Variants in KIAA2012 observed in about 807,000 individuals in gnomAD.
The protein encoded by KIAA2012 is uncharacterized protein KIAA2012.
Under a neutral mutation model 150.6 loss-of-function variants are expected in KIAA2012, and 125 were observed. The ratio of observed to expected loss-of-function variants is 0.83; its 90% CI spans 0.72 to 0.96. The LOEUF is 0.96. KIAA2012 is among the 40% of genes least tolerant of loss of function. The pLI is 0.00. For synonymous variants in KIAA2012, 462 were observed against 504.7 expected (o/e 0.92, Z 1.13); for missense variants, 1,219 against 1,354.9 (o/e 0.90, Z 1.57).
intron 15 of KIAA2012, among the ~76,000 whole-genome samples, chr2:202,167,455 C>T (rs1224282594): frequency 2.6e-5 from 4 of 152,298 alleles, no homozygotes; most frequent in South Asian, 2.1e-4. Flanking sequence ...AGTTTTGAAT[C>T]GCTGCCCTGG....
intron 14 of KIAA2012, 60 bp from the exon 15 acceptor site, chr2:202,165,224 G>C: frequency 6.8e-7 from 1 of 1,466,846 alleles, no homozygotes; most frequent in South Asian, 1.2e-5. Context: ...TCACAGAAGT[G>C]TTTTAAGTGT....
Position 202,161,692 on chromosome 2 carries a change from T to G in KIAA2012, c.2047-3592T>G, listed in dbSNP as rs183386255. Among the ~76,000 whole-genome samples the G allele has an allele frequency of 7.2e-5, 11 of 152,198 alleles. No homozygotes were observed. The East Asian group carries it at 1.5e-3, about 21-fold the overall frequency. ...GAGGCCCTGCAGAAACCTGTCATAA[T>G]CTGCCACAACATTTATCACGCTGCA... On this transcript the variant is annotated intron_variant, in intron 14 of 23. Coordinates refer to ENST00000498697, the MANE Select transcript of KIAA2012 (RefSeq NM_001277372.4).
intron 2 of KIAA2012, among the ~76,000 whole-genome samples, chr2:202,081,386 T>G (rs1426641113): frequency 6.6e-6 from 1 of 152,188 alleles, no homozygotes; most frequent in Non-Finnish European, 1.5e-5. Context: ...TTGTTTGGAT[T>G]ATATAGTAAT....
Position 202,163,495 on chromosome 2 carries a change from T to C in KIAA2012, c.2047-1789T>C, listed in dbSNP as rs1214525201. On this transcript the variant is annotated intron_variant, in intron 14 of 23. Coordinates refer to ENST00000498697, the MANE Select transcript of KIAA2012 (RefSeq NM_001277372.4). ...TTGACAGAGTTTCAAATTAAGACTA[T>C]TTCTTTTTCTAACAAAGATTCACCT... is the stretch of plus-strand genomic sequence containing the variant. Among the ~76,000 whole-genome samples the C allele has an allele frequency of 2.6e-5, 4 of 152,248 alleles. No individual in the cohort carries two copies. The East Asian group carries it at 7.7e-4, about 29-fold the overall frequency.
intron 15 of KIAA2012, chr2:202,179,650 G>A (rs1051616691): frequency 7.6e-6 from 5 of 658,656 alleles, no homozygotes; most frequent in Admixed American, 1.8e-5. Context: ...TGTAATGCAA[G>A]AATATACTCA....
At chr2:202,109,894 T>A in intron 10 of KIAA2012, 105 bp downstream of exon 10, 2 of 995,154 alleles carry the variant, frequency 2.0e-6, no homozygotes, top group South Asian at 4.0e-5. Context: ...GGCATTCCAT[T>A]GAAAAGGGGT....
intron 15 of KIAA2012, among the ~76,000 whole-genome samples, chr2:202,166,399 T>G (rs989978340): frequency 1.3e-5 from 2 of 152,172 alleles, no homozygotes; most frequent in African/African-American, 4.8e-5. Context: ...ACGCCTGTAA[T>G]CCCAACATTT....
chr2:202,190,275 C>CT lies in KIAA2012; in HGVS notation c.2594dup (p.Ser866GlufsTer4). The CT allele has an allele frequency of 6.4e-7, 1 of 1,550,518 alleles. No homozygotes were observed. Among genetic ancestry groups the CT allele is most frequent in the Non-Finnish European group, 8.7e-7 (1 of 1,146,982 alleles). On this transcript the variant is annotated frameshift_variant, in exon 19 of 24. Coordinates refer to ENST00000498697, the MANE Select transcript of KIAA2012 (RefSeq NM_001277372.4). LOFTEE classifies it high-confidence loss of function. ...AAGAAATCTGGAGATAGCGGCAGAGCTGAGCGGGCCTGATGTCAGCTATGA... is the reference window on the plus strand; with the variant it reads ...AAGAAATCTGGAGATAGCGGCAGAGCTTGAGCGGGCCTGATGTCAGCTATGA...
chr2:202,201,469 C>G, intron 22 of KIAA2012: 1 of 1,597,500 alleles, frequency 6.3e-7, no homozygotes, highest in Non-Finnish European at 8.6e-7. Flanking sequence ...TGCATGACTG[C>G]AAGCTGAGCA....
intron 13 of KIAA2012, among the ~76,000 whole-genome samples, chr2:202,150,335 C>G (rs1005577473): frequency 1.4e-4 from 22 of 152,106 alleles, no homozygotes; most frequent in African/African-American, 5.3e-4. Flanking sequence ...ATTTGCAGTA[C>G]AATATAGGTG....
At chr2:202,090,727 A>C in intron 2 of KIAA2012, 43 bp from the exon 3 acceptor site, 1 of 1,514,974 alleles carries the variant, frequency 6.6e-7, no homozygotes, top group Non-Finnish European at 8.9e-7. Context: ...TGGGTGGCTC[A>C]GGGGTCAGCA....
chr2:202,186,969 A>G lies in KIAA2012; in HGVS notation c.2247A>G (p.Gly749=). 1 of 1,550,524 alleles carries G rather than the reference A, an allele frequency of 6.4e-7. No individual in the cohort carries two copies. The highest frequency in any genetic ancestry group is 1.2e-5 in the South Asian group (1 of 84,046). Residue 749 remains glycine, a synonymous_variant, in exon 17 of 24, where the codon GGA becomes GGG. Transcript: ENST00000498697. ...ATGATGTACACCACCTACACAGAGG[A>G]CTTCTGGGATACGGGCCTGAGTCAC... ...RDYDVHHLHR[G]LLGYGPESPE... is the part of the protein sequence containing the mutation.
In KIAA2012 at chr2:202,201,524, A is replaced by G. The variant is rs570224483; in HGVS notation, c.3408-905A>G. ...GAGGTGGAGGAAGAATGTTGCCAGC[A>G]GTAGCCCCAGCTCCAAATCTGGCAC... On this transcript the variant is annotated intron_variant, in intron 22 of 23. Coordinates refer to ENST00000498697, the MANE Select transcript of KIAA2012 (RefSeq NM_001277372.4). The G allele has an allele frequency of 7.6e-5, 123 of 1,608,662 alleles. No individual in the cohort carries two copies. The East Asian group carries it at 2.7e-3, about 36-fold the overall frequency.
intron 15 of KIAA2012, among the ~76,000 whole-genome samples, chr2:202,172,883 C>T (rs1691922640): frequency 6.6e-6 from 1 of 152,234 alleles, no homozygotes; most frequent in Non-Finnish European, 1.5e-5. Flanking sequence ...AGTATGATGC[C>T]TGCACAGTCA....
chr2:202,115,356 GC>G (rs1477298347), intron 11 of KIAA2012: 3 of 151,848 alleles, frequency 2.0e-5, no homozygotes, highest in African/African-American at 7.3e-5. Context: ...CTATATTCCA[GC>G]CCACCCCTTG....
In KIAA2012 at chr2:202,090,365, A is replaced by T. The variant is rs75842849; in HGVS notation, c.370-405A>T. ...AACATGGACATGATTTGTCTGTCCC[A>T]TTATTCACATTACAAACATTGAATG... is the stretch of plus-strand genomic sequence containing the variant. On this transcript the variant is annotated intron_variant, in intron 2 of 23. Transcript: ENST00000498697. 2.6e-3 allele frequency among the ~76,000 whole-genome samples: 399 copies of T among 152,344 alleles called. 3 individuals carry two copies. The highest frequency in any genetic ancestry group is 5.0e-3 in the Admixed American group (77 of 15,302).
intron 2 of KIAA2012, among the ~76,000 whole-genome samples, chr2:202,088,310 C>T (rs1313506572): frequency 6.6e-6 from 1 of 152,174 alleles, no homozygotes. Context: ...TTAGCATAGT[C>T]TCCCACCACC....
chr2:202,183,440 A>G (rs1235523450), intron 15 of KIAA2012, among the ~76,000 whole-genome samples: 1 of 76,464 alleles, frequency 1.3e-5, no homozygotes, highest in Non-Finnish European at 2.6e-5. Context: ...AAAAGTTAAC[A>G]TTTGTTTTTT....
chr2:202,149,680 A>C (rs1280717252), intron 13 of KIAA2012, among the ~76,000 whole-genome samples: 3 of 152,220 alleles, frequency 2.0e-5, no homozygotes, highest in African/African-American at 7.2e-5. Context: ...AGTAATGAGG[A>C]GGGCCGGAGG....
Sources: gnomAD v4.1 joint callset for allele counts (sites outside exome capture counted in the v4.1 genomes callset) on GRCh38, gnomAD v4.1.1 for gene constraint, MANE v1.5 for transcripts, NCBI Gene and HGNC (gene_info 2026-07-23, HGNC 2026-07-21) for gene names.